Variants in C2CD3 observed in about 807,000 individuals in gnomAD.
The protein encoded by C2CD3 is C2 domain containing 3 centriole elongation regulator, also known as C2 domain-containing protein 3.
Under a neutral mutation model 234.0 loss-of-function variants are expected in C2CD3, and 148 were observed. That is an observed-to-expected ratio of 0.63 (90% CI 0.55 to 0.72). The LOEUF is 0.72. Ranked by LOEUF, C2CD3 falls within the 30% of genes least tolerant of loss-of-function variation. The pLI, the probability that C2CD3 is intolerant of heterozygous loss-of-function variation, is 0.00. For missense variants in C2CD3, 2,577 were observed against 2,811.5 expected, an observed-to-expected ratio of 0.92 and a Z score of 1.89; for synonymous variants, 1,000 against 1,035.4, an observed-to-expected ratio of 0.97 and a Z score of 0.66.
At chr11:74,154,984 T>A (rs1187002427) in intron 3 of C2CD3, among the ~76,000 whole-genome samples, 1 of 152,226 alleles carries the variant, frequency 6.6e-6, no homozygotes, top group African/African-American at 2.4e-5. Flanking sequence ...AGAACAGCTG[T>A]GGTTCCCAAT....
chr11:74,113,458 C>A (rs1956811880), intron 11 of C2CD3: 1 of 303,134 alleles, frequency 3.3e-6, no homozygotes. Context: ...GCAGGCGGAT[C>A]ACTTAAGGTC....
intron 28 of C2CD3, among the ~76,000 whole-genome samples, chr11:74,043,756 A>ACT (rs1267432515): frequency 4.4e-4 from 67 of 152,056 alleles, no homozygotes; most frequent in African/African-American, 1.6e-3. Flanking sequence ...CTTTTTTTGA[A>ACT]GAAATGTCTA....
intron 8 of C2CD3, among the ~76,000 whole-genome samples, chr11:74,119,317 A>C (rs955025692): frequency 6.6e-6 from 1 of 152,172 alleles, no homozygotes; most frequent in African/African-American, 2.4e-5. Context: ...TGAGAGAACC[A>C]ATGGCTAAGC....
At chr11:74,112,824 T>C (rs550279839) in intron 11 of C2CD3, among the ~76,000 whole-genome samples, 26 of 152,268 alleles carry the variant, frequency 1.7e-4, no homozygotes, top group African/African-American at 6.3e-4. Flanking sequence ...TGTAGACAAA[T>C]TAGAACCTTC....
chr11:74,079,900 CACAGATAGTAA>C (rs1955262479), intron 22 of C2CD3, among the ~76,000 whole-genome samples: 1 of 152,028 alleles, frequency 6.6e-6, no homozygotes, highest in Admixed American at 6.6e-5. Context: ...TATCAGGGCT[CACAGATAGTAA>C]ACATTTTAGG....
At chr11:74,024,749 GGCCATCCAGTGCTGGCT>G (rs1449010224) in intron 32 of C2CD3, among the ~76,000 whole-genome samples, 1 of 151,918 alleles carries the variant, frequency 6.6e-6, no homozygotes, top group African/African-American at 2.4e-5. Flanking sequence ...TTATTTCTTA[GGCCATCCAGTGCTGGCT>G]GGCAGCCAGC....
In C2CD3 at chr11:74,037,484, T is replaced by C; in HGVS notation, c.5875A>G (p.Ile1959Val). The change falls in exon 30 of 33, where the codon ATC (isoleucine) becomes GTC (valine). Residue 1959 changes from isoleucine (I) to valine (V), a missense_variant. By Grantham distance (29) the Ile-to-Val change is conservative. Coordinates refer to ENST00000334126, the MANE Select transcript of C2CD3 (RefSeq NM_001286577.2). ...GAAAGGATCTGAGTCATACCTGTGATTAAGGAGCTGACTTGCAACACCAGG... is the reference window on the plus strand; with the variant it reads ...GAAAGGATCTGAGTCATACCTGTGACTAAGGAGCTGACTTGCAACACCAGG... ...SNLVLQVSSLITDLQTITRDS... is the reference protein window; with the variant it reads ...SNLVLQVSSLVTDLQTITRDS... 1 of 1,613,000 alleles carries C rather than the reference T, an allele frequency of 6.2e-7. No homozygotes were observed. Among genetic ancestry groups the C allele is most frequent in the Non-Finnish European group, 8.5e-7 (1 of 1,179,040 alleles).
intron 5 of C2CD3, among the ~76,000 whole-genome samples, chr11:74,134,739 T>C (rs1387310759): frequency 6.6e-6 from 1 of 152,154 alleles, no homozygotes; most frequent in Admixed American, 6.5e-5. Flanking sequence ...TATTTACATA[T>C]GTTTAGAGAC....
At chr11:74,058,275 T>C (rs1416358928) in intron 24 of C2CD3, among the ~76,000 whole-genome samples, 1 of 152,182 alleles carries the variant, frequency 6.6e-6, no homozygotes, top group East Asian at 1.9e-4. Flanking sequence ...CCAAAGATAT[T>C]GTAAGGATTA....
chr11:74,066,459 A>AAAC (rs1954546690), intron 24 of C2CD3, among the ~76,000 whole-genome samples: 1 of 152,020 alleles, frequency 6.6e-6, no homozygotes, highest in Admixed American at 6.6e-5. Flanking sequence ...AAAGAAAAAA[A>AAAC]AACATTTAAC....
At chr11:74,149,553 G>A (rs1461324591) in intron 3 of C2CD3, among the ~76,000 whole-genome samples, 4 of 150,224 alleles carry the variant, frequency 2.7e-5, no homozygotes, top group East Asian at 2.0e-4. Flanking sequence ...GCCAGTTATC[G>A]AATTCTCCTC....
At chr11:74,017,264 G>A (rs567923141) in intron 32 of C2CD3, among the ~76,000 whole-genome samples, 67 of 152,268 alleles carry the variant, frequency 4.4e-4, no homozygotes, top group Admixed American at 1.9e-3. Flanking sequence ...GGTATTTGAC[G>A]ACTGTACTAG....
chr11:74,114,329 A>G (rs948757185), intron 10 of C2CD3, 55 bp downstream of exon 10: 2 of 1,187,904 alleles, frequency 1.7e-6, no homozygotes, highest in Non-Finnish European at 1.2e-6. Flanking sequence ...GATTATTACC[A>G]TCAGACACAC....
intron 32 of C2CD3, among the ~76,000 whole-genome samples, chr11:74,017,348 C>T (rs957482483): frequency 6.6e-6 from 1 of 152,154 alleles, no homozygotes; most frequent in African/African-American, 2.4e-5. Context: ...TTCAGGCTGC[C>T]CCATTAAATC....
chr11:74,135,179 T>C (rs971991895), intron 5 of C2CD3, among the ~76,000 whole-genome samples: 3 of 151,236 alleles, frequency 2.0e-5, no homozygotes, highest in Admixed American at 6.6e-5. Context: ...AAGATCCCCA[T>C]TGCCTCATAT....
At position 74,033,743 on chromosome 11, in the gene C2CD3, G is replaced by T; in HGVS notation, c.6417C>A (p.Pro2139=). 1 of 1,536,388 alleles carries T rather than the reference G, an allele frequency of 6.5e-7. No individual in the cohort carries two copies. The highest frequency in any genetic ancestry group is 1.2e-5 in the South Asian group (1 of 84,054). The change falls in exon 31 of 33, where the codon CCC becomes CCA. Residue 2139 remains proline (P), a synonymous_variant. Transcript: ENST00000334126. ...TAGGAGAACCCTGCCTAGGCAGGTG[G>T]GGGTTGACAGCCCTTTCTGGGCTGG... is the stretch of plus-strand genomic sequence containing the variant. ...FLSSPERAVN[P]HLPRQGSPSQ...
In C2CD3 at chr11:74,131,151, G is replaced by A. The variant is rs193247522; in HGVS notation, c.1217+1693C>T. On this transcript the variant is annotated intron_variant, in intron 7 of 32. Transcript: ENST00000334126. ...CTCTTGAGATAATCATGTGGTTTTT[G>A]TTTTTTATTCTATTGATATGGTGAG... 1.2e-3 allele frequency among the ~76,000 whole-genome samples: 182 copies of A among 149,790 alleles called. 1 individual carries two copies. The highest frequency in any genetic ancestry group is 4.4e-3 in the African/African-American group (180 of 40,906).
chr11:74,139,139 T>C (rs1414602817), intron 4 of C2CD3, among the ~76,000 whole-genome samples, 172 bp from the exon 5 acceptor site: 2 of 152,212 alleles, frequency 1.3e-5, no homozygotes, highest in Non-Finnish European at 2.9e-5. Flanking sequence ...TCCCAAATTA[T>C]AGAAATAATA....
intron 13 of C2CD3, among the ~76,000 whole-genome samples, chr11:74,105,603 T>C (rs1243573761): frequency 2.6e-5 from 4 of 152,146 alleles, no homozygotes; most frequent in African/African-American, 7.2e-5. Context: ...AAAGCTATAC[T>C]GAAGCCACAC....
Sources: allele counts gnomAD v4.1 joint callset (sites outside exome capture counted in the v4.1 genomes callset), GRCh38; gene constraint gnomAD v4.1.1; transcripts MANE v1.5; gene names NCBI Gene and HGNC (gene_info 2026-07-23, HGNC 2026-07-21).